KPNA7: variants seen among roughly 807,000 people sequenced by gnomAD.
KPNA7 encodes the protein karyopherin subunit alpha 7, also known as importin subunit alpha-8.
Under a neutral mutation model 53.7 loss-of-function variants are expected in KPNA7, and 54 were observed. That is an observed-to-expected ratio of 1.01 (90% CI 0.81 to 1.26). The LOEUF is 1.26. KPNA7 is among the 50% of genes most tolerant of loss of function. The pLI is 0.00. For synonymous variants in KPNA7, 276 were observed against 259.3 expected (o/e 1.06, Z -0.62); for missense variants, 640 against 644.5 (o/e 0.99, Z 0.07).
chr7:99,148,954 G>A, the KPNA7 span, among the ~76,000 whole-genome samples: 1 of 141,956 alleles, frequency 7.0e-6, no homozygotes, highest in Non-Finnish European at 1.5e-5. Context: ...GGAGTACAAC[G>A]GCACCGTCTC....
At chr7:99,170,289 C>A (rs1034793810), downstream of KPNA7, among the ~76,000 whole-genome samples, 13 of 152,108 alleles carry the variant, frequency 8.5e-5, no homozygotes, top group African/African-American at 3.1e-4. Context: ...CAGATAGGAT[C>A]TTGCGCTAAT....
chr7:99,160,017 G>T, the KPNA7 span, among the ~76,000 whole-genome samples: 400 of 67,668 alleles, frequency 5.9e-3, 7 homozygotes, highest in African/African-American at 0.018. Context: ...TGTTGTTTTT[G>T]TTTTTTTTTT....
chr7:99,173,057 C>T (rs1178760965), downstream of KPNA7, among the ~76,000 whole-genome samples: 4 of 90,788 alleles, frequency 4.4e-5, no homozygotes, highest in Non-Finnish European at 7.6e-5. Flanking sequence ...ACCGAAACTC[C>T]ATCTCAAAAA....
chr7:99,161,448 G>A, the KPNA7 span, among the ~76,000 whole-genome samples: 1 of 152,148 alleles, frequency 6.6e-6, no homozygotes, highest in East Asian at 1.9e-4. Flanking sequence ...GTCTTCAAAT[G>A]AGACCACAAT....
At chr7:99,168,198 T>G in the KPNA7 span, among the ~76,000 whole-genome samples, 1 of 152,232 alleles carries the variant, frequency 6.6e-6, no homozygotes, top group Admixed American at 6.5e-5. Flanking sequence ...GGCAGGAACT[T>G]CATCTGCTTT....
the KPNA7 span, among the ~76,000 whole-genome samples, chr7:99,168,362 G>T: frequency 6.6e-6 from 1 of 152,176 alleles, no homozygotes; most frequent in Non-Finnish European, 1.5e-5. Flanking sequence ...CACTCTGAGG[G>T]ATGTGGGAAT....
chr7:99,209,698 A>G (rs917358351), upstream of KPNA7, among the ~76,000 whole-genome samples: 8 of 132,536 alleles, frequency 6.0e-5, no homozygotes, highest in East Asian at 3.9e-4. Flanking sequence ...AAAAAAAAAA[A>G]AAAAAAAAAA....
the KPNA7 span, among the ~76,000 whole-genome samples, chr7:99,152,717 G>A: frequency 3.9e-5 from 6 of 152,126 alleles, no homozygotes; most frequent in African/African-American, 9.7e-5. Flanking sequence ...TCTACAAGCC[G>A]CATGTATTTC....
the KPNA7 span, among the ~76,000 whole-genome samples, chr7:99,163,051 C>T: frequency 1.3e-5 from 2 of 151,746 alleles, no homozygotes; most frequent in East Asian, 3.9e-4. Context: ...TGTGGTGGCA[C>T]ACTCCTATAA....
At chr7:99,179,243 T>C (rs902080671) in intron 9 of KPNA7, among the ~76,000 whole-genome samples, 3 of 152,132 alleles carry the variant, frequency 2.0e-5, no homozygotes, top group Non-Finnish European at 4.4e-5. Flanking sequence ...GATTTTCAGA[T>C]GGTTTTGTCA....
intron 1 of KPNA7, among the ~76,000 whole-genome samples, chr7:99,219,167 G>C (rs1791288050): frequency 6.6e-6 from 1 of 152,206 alleles, no homozygotes; most frequent in Non-Finnish European, 1.5e-5. Context: ...GAGGCTGAGG[G>C]GCGAGGCCCG....
chr7:99,182,586 C>T (rs771693589), intron 8 of KPNA7, among the ~76,000 whole-genome samples: 7 of 152,220 alleles, frequency 4.6e-5, no homozygotes, highest in African/African-American at 1.4e-4. Context: ...CCTCCCATCT[C>T]GGCCTCCCAA....
chr7:99,195,159 C>G lies in KPNA7; in HGVS notation c.464G>C (p.Gly155Ala), dbSNP rs115024192. 1,669 of 1,551,590 alleles carry G rather than the reference C, an allele frequency of 1.1e-3. 19 individuals are homozygous for G. The African/African-American group carries it at 0.02, about 19-fold the overall frequency. The stretch of plus-strand genomic sequence containing the variant: ...CTCAATCAAGGGCTGGATGGCTCCC[C>G]CTTCTACCACGGCACGAGTCTGCTC... ...TSEQTRAVVEGGAIQPLIELL... is the reference protein window; with the variant it reads ...TSEQTRAVVEAGAIQPLIELL... The change falls in exon 5 of 11, where the codon GGG (glycine) becomes GCG (alanine). Residue 155 changes from glycine to alanine, a missense_variant. Transcript: ENST00000327442.
intron 1 of KPNA7, among the ~76,000 whole-genome samples, chr7:99,216,565 CCT>C (rs35958739): frequency 0.84 from 125,644 of 150,440 alleles, 53,188 homozygotes; most frequent in East Asian, 0.96. Flanking sequence ...TTACCAACAC[CCT>C]CTTTTTTTTT....
chr7:99,197,341 C>T (rs919719880), intron 3 of KPNA7, among the ~76,000 whole-genome samples: 6 of 152,138 alleles, frequency 3.9e-5, no homozygotes, highest in African/African-American at 1.4e-4. Flanking sequence ...AACGAGCACA[C>T]CCAGCAACAA....
chr7:99,179,346 C>CA (rs1393885991), intron 9 of KPNA7, among the ~76,000 whole-genome samples: 6 of 151,916 alleles, frequency 3.9e-5, no homozygotes, highest in Middle Eastern at 3.4e-3. Flanking sequence ...CACTTGAGCC[C>CA]AGGACTTTGA....
chr7:99,150,522 C>T, the KPNA7 span, among the ~76,000 whole-genome samples: 1 of 149,426 alleles, frequency 6.7e-6, no homozygotes, highest in Admixed American at 6.8e-5. Flanking sequence ...TCAAGCGATT[C>T]TCCTGCCTCA....
At position 99,184,988 on chromosome 7, in the gene KPNA7, G is replaced by GGT. The variant is rs2150724958; in HGVS notation, c.1073_1074dup (p.His359ThrfsTer19). The stretch of plus-strand genomic sequence containing the variant: ...TCGTAGGCAAGCAGCTGCTGGATGT[G>GGT]GTGACAAGGCCCCGCTGCTACGTTG... On this transcript the variant is annotated frameshift_variant, in exon 8 of 11. Coordinates refer to ENST00000327442, the MANE Select transcript of KPNA7 (RefSeq NM_001145715.3). LOFTEE classifies it high-confidence loss of function. The GGT allele has an allele frequency of 2.6e-6, 4 of 1,552,006 alleles. No individual in the cohort carries two copies. The highest frequency in any genetic ancestry group is 3.5e-6 in the Non-Finnish European group (4 of 1,147,072).
Position 99,182,084 on chromosome 7 carries a change from T to C in KPNA7, c.1135-19A>G. On this transcript the variant is annotated intron_variant, in intron 8 of 10. Coordinates refer to ENST00000327442, the MANE Select transcript of KPNA7 (RefSeq NM_001145715.3). ...ATTCTCCCTGCAGAACAAGAATGTT[T>C]CCATTCTCTACAGATCCTCAAGAAC... 6.6e-7 allele frequency: 1 copy of C among 1,512,490 alleles called. No individual in the cohort carries two copies. Among genetic ancestry groups the C allele is most frequent in the Non-Finnish European group, 8.9e-7 (1 of 1,121,724 alleles). 93.7% of individuals were successfully genotyped at this position (1,512,490 alleles called of 1,614,324 possible). A position where few individuals can be genotyped will look rare whatever the true frequency, so the allele number is the denominator to read the frequency against.
Sources: allele counts gnomAD v4.1 joint callset (sites outside exome capture counted in the v4.1 genomes callset), GRCh38; gene constraint gnomAD v4.1.1; transcripts MANE v1.5; gene names NCBI Gene and HGNC (gene_info 2026-07-23, HGNC 2026-07-21).